The following MSRA variants were observed in gnomAD, a reference collection of about 807,000 sequenced individuals.
MSRA encodes the protein mitochondrial peptide methionine sulfoxide reductase.
Under a neutral mutation model 31.3 loss-of-function variants are expected in MSRA, and 54 were observed. The observed-to-expected ratio is 1.73, with a 90% confidence interval of 1.39 to 2.17. MSRA has a LOEUF of 2.17. Among genes scored for constraint, MSRA ranks in the 30% most tolerant of loss-of-function variants. The pLI is 0.00. For synonymous variants in MSRA, 169 were observed against 116.5 expected, an observed-to-expected ratio of 1.45 and a Z score of -2.90; for missense variants, 507 against 300.9, an observed-to-expected ratio of 1.69 and a Z score of -5.07.
At chr8:10,131,479 A>G (rs577527060) in intron 1 of MSRA, among the ~76,000 whole-genome samples, 2 of 152,348 alleles carry the variant, frequency 1.3e-5, no homozygotes, top group South Asian at 4.1e-4. Context: ...GGCATTCACA[A>G]AGGTTATGAG....
intron 3 of MSRA, among the ~76,000 whole-genome samples, chr8:10,257,024 G>A (rs1798220586): frequency 6.6e-6 from 1 of 152,074 alleles, no homozygotes. Context: ...AAAATATATT[G>A]TACCCAGCAT....
intron 3 of MSRA, among the ~76,000 whole-genome samples, chr8:10,259,073 C>T (rs1410123296): frequency 6.6e-6 from 1 of 150,642 alleles, no homozygotes; most frequent in Non-Finnish European, 1.5e-5. Context: ...TGCCACTGCA[C>T]TCCAGCTTGG....
chr8:10,196,280 G>T (rs1221240065), intron 1 of MSRA, among the ~76,000 whole-genome samples: 1 of 152,084 alleles, frequency 6.6e-6, no homozygotes, highest in East Asian at 1.9e-4. Flanking sequence ...ACTGCTTGTA[G>T]AAACATTTAA....
chr8:10,384,411 G>A (rs1228513331), intron 5 of MSRA, among the ~76,000 whole-genome samples: 1 of 152,218 alleles, frequency 6.6e-6, no homozygotes, highest in East Asian at 1.9e-4. Flanking sequence ...ATGGTGGTCT[G>A]GGCCACACGA....
chr8:10,323,158 G>A (rs916000095), intron 5 of MSRA, among the ~76,000 whole-genome samples: 28 of 151,486 alleles, frequency 1.8e-4, no homozygotes, highest in African/African-American at 4.8e-4. Flanking sequence ...CCACTTGAGC[G>A]GTGGGAGGGG....
chr8:10,133,369 C>T (rs754110063), intron 1 of MSRA, among the ~76,000 whole-genome samples: 12 of 152,226 alleles, frequency 7.9e-5, no homozygotes, highest in African/African-American at 2.6e-4. Flanking sequence ...TGGACTCCTC[C>T]GTCAGGAAGG....
At chr8:10,396,250 G>A (rs1202739024) in intron 5 of MSRA, among the ~76,000 whole-genome samples, 8 of 152,170 alleles carry the variant, frequency 5.3e-5, no homozygotes, top group African/African-American at 9.7e-5. Context: ...CACTGCTGCC[G>A]TTCTCAGGTG....
chr8:10,111,292 G>C (rs543509847), intron 1 of MSRA, among the ~76,000 whole-genome samples: 14 of 152,266 alleles, frequency 9.2e-5, no homozygotes, highest in Middle Eastern at 3.4e-3. Flanking sequence ...TATGTGGTCT[G>C]TGAACATAAA....
intron 2 of MSRA, among the ~76,000 whole-genome samples, chr8:10,220,399 A>T (rs994866738): frequency 4.6e-5 from 7 of 152,214 alleles, no homozygotes; most frequent in Non-Finnish European, 7.4e-5. Flanking sequence ...ATCATGGTAG[A>T]CATTACCATG....
intron 3 of MSRA, among the ~76,000 whole-genome samples, chr8:10,299,254 T>C (rs991111789): frequency 1.3e-5 from 2 of 152,158 alleles, no homozygotes; most frequent in Admixed American, 6.5e-5. Flanking sequence ...TATATTTTAG[T>C]GTGGTTTCAA....
At chr8:10,216,911 G>T (rs1212823266) in intron 2 of MSRA, among the ~76,000 whole-genome samples, 1 of 152,280 alleles carries the variant, frequency 6.6e-6, no homozygotes, top group Admixed American at 6.5e-5. Flanking sequence ...ATTCTTTTGG[G>T]TGTATACCCA....
chr8:10,138,344 G>C (rs376452421), intron 1 of MSRA, among the ~76,000 whole-genome samples: 1 of 152,148 alleles, frequency 6.6e-6, no homozygotes, highest in Admixed American at 6.5e-5. Flanking sequence ...CGCGGGACAC[G>C]GTGTGGATGT....
intron 5 of MSRA, among the ~76,000 whole-genome samples, chr8:10,348,931 T>TA (rs1269152082): frequency 1.3e-5 from 2 of 152,076 alleles, no homozygotes; most frequent in East Asian, 1.9e-4. Flanking sequence ...TCACGAGATC[T>TA]AAAAAAGCCT....
chr8:10,206,365 C>G (rs942148630), intron 1 of MSRA, among the ~76,000 whole-genome samples: 1 of 152,202 alleles, frequency 6.6e-6, no homozygotes, highest in African/African-American at 2.4e-5. Context: ...AGCCCACCAC[C>G]TTGCCCTCAG....
chr8:10,155,452 C>T (rs929525047), intron 1 of MSRA, among the ~76,000 whole-genome samples: 1 of 152,204 alleles, frequency 6.6e-6, no homozygotes, highest in Non-Finnish European at 1.5e-5. Context: ...TCCCAATACG[C>T]ACACATTCTC....
At chr8:10,086,480 TG>T (rs2128925163) in intron 1 of MSRA, among the ~76,000 whole-genome samples, 2 of 152,308 alleles carry the variant, frequency 1.3e-5, no homozygotes, top group African/African-American at 4.8e-5. Flanking sequence ...TAATGAAACC[TG>T]GGATGGTTGC....
chr8:10,367,499 A>G (rs918396084), intron 5 of MSRA, among the ~76,000 whole-genome samples: 3 of 152,200 alleles, frequency 2.0e-5, no homozygotes, highest in Non-Finnish European at 4.4e-5. Flanking sequence ...GGGCTTCCGT[A>G]TTAGCAGGTT....
intron 3 of MSRA, among the ~76,000 whole-genome samples, chr8:10,285,666 C>T (rs1380223627): frequency 6.6e-6 from 1 of 151,888 alleles, no homozygotes; most frequent in Non-Finnish European, 1.5e-5. Flanking sequence ...TCCTTCCCCG[C>T]CTCTGGTAAC....
chr8:10,214,707 A>G (rs920763435), intron 2 of MSRA, among the ~76,000 whole-genome samples: 1 of 152,220 alleles, frequency 6.6e-6, no homozygotes, highest in Non-Finnish European at 1.5e-5. Context: ...GCAGGCTGCT[A>G]ACTGGTGCAA....
Sources: allele counts gnomAD v4.1 joint callset (sites outside exome capture counted in the v4.1 genomes callset), GRCh38; gene constraint gnomAD v4.1.1; transcripts MANE v1.5; gene names NCBI Gene and HGNC (gene_info 2026-07-23, HGNC 2026-07-21).